Variants in KIAA0753 observed in about 807,000 individuals in gnomAD.
KIAA0753 encodes protein moonraker.
In KIAA0753, 114 loss-of-function variants were observed where a neutral mutation model predicts 116.9. The observed-to-expected ratio is 0.98, with a 90% CI of 0.84 to 1.14. The LOEUF is 1.14. Among genes scored for constraint, KIAA0753 ranks in the 50% most tolerant of loss-of-function variants. The probability of loss-of-function intolerance (pLI) is 0.00; values close to 1 mark genes in which losing one functional copy is unlikely to be tolerated. For synonymous variants in KIAA0753, 405 were observed against 413.1 expected (o/e 0.98, Z 0.24); for missense variants, 1,156 against 1,172.4 (o/e 0.99, Z 0.20).
In KIAA0753 at chr17:6,626,653, G is replaced by C. The variant is rs9907755; in HGVS notation, c.718+1464C>G. 2.3e-3 allele frequency among the ~76,000 whole-genome samples: 355 copies of C among 152,222 alleles called. 1 individual carries two copies. The highest frequency in any genetic ancestry group is 8.0e-3 in the African/African-American group (332 of 41,542). ...ACTTCAAAGGGGGTCTGCAGCCAGG[G>C]GCCATCGCAAAATATTATTAATCCA... is the stretch of plus-strand genomic sequence containing the variant. On this transcript the variant is annotated intron_variant, in intron 3 of 18. Coordinates refer to ENST00000361413, the MANE Select transcript of KIAA0753 (RefSeq NM_014804.3).
intron 7 of KIAA0753, among the ~76,000 whole-genome samples, chr17:6,612,698 T>C (rs1970634875): frequency 6.6e-6 from 1 of 152,106 alleles, no homozygotes; most frequent in South Asian, 2.1e-4. Flanking sequence ...TGAAACCCCA[T>C]CTCTACTAAA....
intron 3 of KIAA0753, among the ~76,000 whole-genome samples, chr17:6,627,861 T>G (rs1332852376): frequency 6.6e-6 from 1 of 152,210 alleles, no homozygotes; most frequent in Non-Finnish European, 1.5e-5. Context: ...GGCTGGGCCC[T>G]CAGTCAGTGG....
Position 6,624,870 on chromosome 17 carries a change from A to G in KIAA0753, c.719-9T>C. On this transcript the variant is annotated splice_polypyrimidine_tract_variant and intron_variant, in intron 3 of 18. Coordinates refer to ENST00000361413, the MANE Select transcript of KIAA0753 (RefSeq NM_014804.3). ...AGCTTCTTCTAGTCTATCTGAAAAT[A>G]TTAATAGTTTTCCCCAAAAGTGGAT... 2.0e-6 allele frequency: 3 copies of G among 1,530,142 alleles called. No individual in the cohort carries two copies. Among genetic ancestry groups the G allele is most frequent in the Non-Finnish European group, 2.7e-6 (3 of 1,126,666 alleles). 94.8% of individuals were successfully genotyped at this position (1,530,142 alleles called of 1,614,324 possible). A position where few individuals can be genotyped will look rare whatever the true frequency, so the allele number is the denominator to read the frequency against.
intron 17 of KIAA0753, 45 bp downstream of exon 17, chr17:6,590,465 A>G (rs1441254454): frequency 1.2e-6 from 2 of 1,609,062 alleles, no homozygotes; most frequent in Admixed American, 3.3e-5. Flanking sequence ...ATAACATCAA[A>G]GGTGACTGAC....
rs935967871 is a variant in KIAA0753, at chr17:6,579,159, A to C, written c.*588T>G. ...AACGTTGAAGAAATGTGTGTCTATTATTGTGCACTGACAGCCAGGGGGCTC... is the reference window on the plus strand; with the variant it reads ...AACGTTGAAGAAATGTGTGTCTATTCTTGTGCACTGACAGCCAGGGGGCTC... On this transcript the variant is annotated 3_prime_UTR_variant, in exon 19 of 19. Transcript: ENST00000361413. The C allele has an allele frequency of 6.6e-6, 1 of 152,342 alleles. No individual in the cohort carries two copies. The highest frequency in any genetic ancestry group is 2.4e-5 in the African/African-American group (1 of 41,470). 9.4% of individuals were successfully genotyped at this position (152,342 alleles called of 1,614,324 possible). A position where few individuals can be genotyped will look rare whatever the true frequency, so the allele number is the denominator to read the frequency against.
At chr17:6,622,356 A>C (rs1971384138) in intron 6 of KIAA0753, among the ~76,000 whole-genome samples, 1 of 152,248 alleles carries the variant, frequency 6.6e-6, no homozygotes, top group African/African-American at 2.4e-5. Flanking sequence ...AGAGCTATAA[A>C]ATTAATGTGT....
At chr17:6,588,832 A>G (rs1462525281) in intron 18 of KIAA0753, among the ~76,000 whole-genome samples, 7 of 152,188 alleles carry the variant, frequency 4.6e-5, no homozygotes, top group Non-Finnish European at 8.8e-5. Context: ...CATTCTTCAA[A>G]ATTTAGTAGC....
intron 7 of KIAA0753, among the ~76,000 whole-genome samples, chr17:6,613,480 A>G (rs1366673456): frequency 6.6e-6 from 1 of 152,208 alleles, no homozygotes; most frequent in Non-Finnish European, 1.5e-5. Context: ...AACAACCAAC[A>G]AAGTGGGGAG....
At chr17:6,617,004 C>A (rs749096) in intron 7 of KIAA0753, among the ~76,000 whole-genome samples, 32,982 of 152,018 alleles carry the variant, frequency 0.22, 4,005 homozygotes, top group East Asian at 0.37. Flanking sequence ...TTCTCTCTGA[C>A]ACTGGTGTCC....
In KIAA0753 at chr17:6,603,264, G is replaced by A. The variant is rs536474477; in HGVS notation, c.2010-2806C>T. 5.3e-5 allele frequency among the ~76,000 whole-genome samples: 8 copies of A among 151,724 alleles called. No homozygotes were observed. The South Asian group carries it at 1.7e-3, about 32-fold the overall frequency. ...TCAGAAACAGAGAATAGAGAAAACAGAGACAAGAAAAAAAAAGTACAAAAT... is the reference window on the plus strand; with the variant it reads ...TCAGAAACAGAGAATAGAGAAAACAAAGACAAGAAAAAAAAAGTACAAAAT... On this transcript the variant is annotated intron_variant, in intron 12 of 18. Transcript: ENST00000361413.
chr17:6,609,181 C>T (rs1198540011), intron 9 of KIAA0753, among the ~76,000 whole-genome samples: 1 of 152,158 alleles, frequency 6.6e-6, no homozygotes, highest in Non-Finnish European at 1.5e-5. Flanking sequence ...TTCCACCAAG[C>T]TGCTCACCCT....
At chr17:6,624,614 G>A (rs1182782492) in intron 4 of KIAA0753, 141 bp downstream of exon 4, 1 of 595,632 alleles carries the variant, frequency 1.7e-6, no homozygotes, top group Non-Finnish European at 3.0e-6. Flanking sequence ...CATGTGTTCA[G>A]GTAATTGAGC....
intron 12 of KIAA0753, chr17:6,601,124 A>T (rs1969842294): frequency 6.6e-6 from 1 of 152,398 alleles, no homozygotes. Flanking sequence ...ACTTAGGCAC[A>T]TGACTGGTAG....
At position 6,628,645 on chromosome 17, in the gene KIAA0753, G is replaced by A; in HGVS notation, c.190C>T (p.His64Tyr). 2 of 1,614,144 alleles carry A rather than the reference G, an allele frequency of 1.2e-6. No homozygotes were observed. The highest frequency in any genetic ancestry group is 1.7e-6 in the Non-Finnish European group (2 of 1,179,994). Reference protein sequence around the residue: ...PHAIRIEKLKHSYNESYHCKD... With the variant: ...PHAIRIEKLKYSYNESYHCKD... Reference sequence around the variant, plus strand: ...CAATGGTATGATTCATTGTATGAGTGCTTCAGTTTTTCAATTCTAATGGCA... The same window carrying A: ...CAATGGTATGATTCATTGTATGAGTACTTCAGTTTTTCAATTCTAATGGCA... Residue 64 changes from histidine to tyrosine, a missense_variant, in exon 3 of 19, where the codon CAC (histidine) becomes TAC (tyrosine). Coordinates refer to ENST00000361413, the MANE Select transcript of KIAA0753 (RefSeq NM_014804.3).
intron 12 of KIAA0753, among the ~76,000 whole-genome samples, chr17:6,601,710 G>T (rs949923424): frequency 3.9e-5 from 6 of 152,060 alleles, no homozygotes; most frequent in African/African-American, 1.4e-4. Flanking sequence ...ATACTTAAAG[G>T]AAAACATAAG....
chr17:6,595,390 C>T (rs1004991384), intron 15 of KIAA0753, among the ~76,000 whole-genome samples: 1 of 152,132 alleles, frequency 6.6e-6, no homozygotes, highest in Non-Finnish European at 1.5e-5. Flanking sequence ...TAAGCACCTG[C>T]GGCTAGTGGC....
intron 3 of KIAA0753, 128 bp from the exon 4 acceptor site, chr17:6,624,989 T>A: frequency 1.6e-6 from 1 of 639,996 alleles, no homozygotes; most frequent in Non-Finnish European, 2.7e-6. Flanking sequence ...AAAATGAGGC[T>A]ATCATAACAG....
intron 18 of KIAA0753, among the ~76,000 whole-genome samples, chr17:6,582,053 A>G (rs560866771): frequency 6.6e-6 from 1 of 152,320 alleles, no homozygotes; most frequent in Admixed American, 6.5e-5. Context: ...CAGACAAACT[A>G]AGAAACACCC....
chr17:6,610,137 A>C lies in KIAA0753; in HGVS notation c.1569T>G (p.Gly523=), dbSNP rs1597529540. 6.2e-7 allele frequency: 1 copy of C among 1,614,074 alleles called. No individual in the cohort carries two copies. Among genetic ancestry groups the C allele is most frequent in the Non-Finnish European group, 8.5e-7 (1 of 1,179,994 alleles). The change falls in exon 9 of 19, where the codon GGT becomes GGG. Residue 523 remains glycine, a synonymous_variant. Transcript: ENST00000361413. ...TTTTACTGTGAGGTTGGCTTTGTCT[A>C]CCTCTTTCAGCTTTGCGGAGTCCCT... ...RQQGLRKAER[G]RQSQPHSKSR...
Sources: allele counts gnomAD v4.1 joint callset (sites outside exome capture counted in the v4.1 genomes callset), GRCh38; gene constraint gnomAD v4.1.1; transcripts MANE v1.5; gene names NCBI Gene and HGNC (gene_info 2026-07-23, HGNC 2026-07-21).